SYNPO2: variants seen among roughly 807,000 people sequenced by gnomAD.
SYNPO2 encodes the protein synaptopodin 2, also known as synaptopodin-2.
SYNPO2 carries 56 observed loss-of-function variants against 85.0 expected under a neutral mutation model. That is an observed-to-expected ratio of 0.66 (90% CI 0.53 to 0.82). SYNPO2 has a LOEUF of 0.82. Among genes scored for constraint, SYNPO2 ranks in the 40% least tolerant of loss-of-function variants. SYNPO2 has a pLI of 0.00. For synonymous variants in SYNPO2, 602 were observed against 591.1 expected (o/e 1.02, Z -0.27); for missense variants, 1,575 against 1,534.2 (o/e 1.03, Z -0.44).
At chr4:118,854,485 A>G (rs1219562218) in intron 1 of SYNPO2, among the ~76,000 whole-genome samples, 1 of 152,240 alleles carries the variant, frequency 6.6e-6, no homozygotes, top group Non-Finnish European at 1.5e-5. Flanking sequence ...TTCTATATGA[A>G]TCAAGGAATC....
At chr4:118,897,295 C>G (rs558657979) in intron 1 of SYNPO2, among the ~76,000 whole-genome samples, 2 of 152,252 alleles carry the variant, frequency 1.3e-5, no homozygotes, top group African/African-American at 4.8e-5. Context: ...ATGATCCAAT[C>G]CCCTCCCACC....
intron 4 of SYNPO2, among the ~76,000 whole-genome samples, chr4:119,052,149 A>C (rs1392792403): frequency 6.6e-6 from 1 of 152,168 alleles, no homozygotes; most frequent in Non-Finnish European, 1.5e-5. Flanking sequence ...GGACAGGCTG[A>C]CAAACTGTTC....
intron 1 of SYNPO2, among the ~76,000 whole-genome samples, chr4:118,927,628 A>C (rs529301528): frequency 1.7e-4 from 26 of 152,252 alleles, no homozygotes; most frequent in African/African-American, 5.5e-4. Context: ...GAGAGTGTTG[A>C]ATATTTAATG....
intron 1 of SYNPO2, among the ~76,000 whole-genome samples, chr4:118,859,508 T>G (rs1457529747): frequency 1.3e-5 from 2 of 152,178 alleles, no homozygotes; most frequent in African/African-American, 4.8e-5. Flanking sequence ...TACCAGGTCT[T>G]ATTCATTATA....
intron 4 of SYNPO2, among the ~76,000 whole-genome samples, chr4:119,050,332 C>CAA (rs796535345): frequency 3.0e-5 from 4 of 134,506 alleles, no homozygotes; most frequent in South Asian, 2.4e-4. Context: ...GATTCTGTCT[C>CAA]AAAAAAAAAA....
At position 119,027,226 on chromosome 4, in the gene SYNPO2, T is replaced by A. The variant is rs143767970; in HGVS notation, c.857T>A (p.Val286Glu). 1.9e-6 allele frequency: 3 copies of A among 1,613,976 alleles called. No homozygotes were observed. The highest frequency in any genetic ancestry group is 2.7e-5 in the African/African-American group (2 of 74,890). Residue 286 changes from valine (V) to glutamate (E), a missense_variant, in exon 3 of 5, where the codon GTG becomes GAG. Physicochemically the swap from Val to Glu is moderately radical, Grantham distance 121. This residue lies in a region of SYNPO2 where 1,508 missense variants were observed against 1,446.8 expected (regional missense o/e 1.04). Coordinates refer to ENST00000307142, the MANE Select transcript of SYNPO2 (RefSeq NM_133477.3). Reference sequence around the variant, plus strand: ...GATGCGGGACTGCCCCGGGTGGAAGTGATCCTCGACTGCTCTGACAGGCAG... The same window carrying A: ...GATGCGGGACTGCCCCGGGTGGAAGAGATCCTCGACTGCTCTGACAGGCAG... Reference protein sequence around the residue: ...AGDAGLPRVEVILDCSDRQKT... With the variant: ...AGDAGLPRVEEILDCSDRQKT...
At chr4:118,962,748 G>C (rs530385500) in intron 1 of SYNPO2, among the ~76,000 whole-genome samples, 25 of 152,272 alleles carry the variant, frequency 1.6e-4, no homozygotes, top group African/African-American at 4.8e-4. Flanking sequence ...ATCCAGTCCT[G>C]CTTCCATGTT....
At chr4:118,953,857 C>T (rs1400767469) in intron 1 of SYNPO2, among the ~76,000 whole-genome samples, 4 of 152,214 alleles carry the variant, frequency 2.6e-5, no homozygotes, top group East Asian at 3.9e-4. Flanking sequence ...TTGATTCTCT[C>T]CAGTGAACTC....
chr4:119,036,384 G>T, intron 4 of SYNPO2: 2 of 985,322 alleles, frequency 2.0e-6, no homozygotes, highest in Non-Finnish European at 2.4e-6. Flanking sequence ...GCTGGTCTTG[G>T]GTCCACATAT....
chr4:118,897,699 C>T (rs941813773), intron 1 of SYNPO2, among the ~76,000 whole-genome samples: 10 of 152,176 alleles, frequency 6.6e-5, no homozygotes, highest in Admixed American at 1.3e-4. Flanking sequence ...TACAGGGGCA[C>T]AAAGAGGTTA....
At chr4:118,924,756 T>C (rs1733657720) in intron 1 of SYNPO2, among the ~76,000 whole-genome samples, 1 of 152,194 alleles carries the variant, frequency 6.6e-6, no homozygotes, top group South Asian at 2.1e-4. Flanking sequence ...ATTTGGAAAT[T>C]GGACAATCTA....
chr4:118,911,250 T>C (rs1269564880), intron 1 of SYNPO2, among the ~76,000 whole-genome samples: 1 of 152,204 alleles, frequency 6.6e-6, no homozygotes, highest in Non-Finnish European at 1.5e-5. Flanking sequence ...TGAGTTGAGA[T>C]ATCAAATCAT....
intron 1 of SYNPO2, among the ~76,000 whole-genome samples, chr4:118,907,111 G>A (rs1732964403): frequency 6.6e-6 from 1 of 151,986 alleles, no homozygotes; most frequent in East Asian, 1.9e-4. Context: ...ACTGAGCCTG[G>A]CCCTTTTGAA....
chr4:119,029,656 A>C (rs368094354), intron 3 of SYNPO2, among the ~76,000 whole-genome samples, 189 bp from the exon 4 acceptor site: 84 of 152,278 alleles, frequency 5.5e-4, no homozygotes, highest in African/African-American at 1.8e-3. Flanking sequence ...AGAACAGTAT[A>C]TTATTGTAGA....
At position 119,030,838 on chromosome 4, in the gene SYNPO2, A is replaced by C; in HGVS notation, c.2063A>C (p.Lys688Thr). 1.2e-6 allele frequency: 2 copies of C among 1,614,158 alleles called. No homozygotes were observed. The highest frequency in any genetic ancestry group is 2.2e-5 in the South Asian group (2 of 91,070). Residue 688 changes from lysine to threonine, a missense_variant, in exon 4 of 5, where the codon AAA becomes ACA. Physicochemically the swap from Lys to Thr is moderately conservative, Grantham distance 78. Around this residue, in one of 3 missense-constraint regions of SYNPO2, gnomAD observed 1,508 missense variants for 1,446.8 expected, o/e 1.04. Transcript: ENST00000307142. The stretch of plus-strand genomic sequence containing the variant: ...AGAACAGGAATATTGCAGGAGGCCA[A>C]AAGGAGAAGCACGACAAAACCCATG... The part of the protein sequence containing the change: ...AKRTGILQEA[K>T]RRSTTKPMFT...
rs145645160 is a variant in SYNPO2 at position 119,055,733 on chromosome 4, G to T, written c.3253-1668G>T. On this transcript the variant is annotated intron_variant, in intron 4 of 4. Transcript: ENST00000307142. ...TATAGAGTAAGGAGAATTATGAGTG[G>T]TTCTGAATTAAGACAAGATTAGTGA... 5.0e-3 allele frequency among the ~76,000 whole-genome samples: 754 copies of T among 152,262 alleles called. 5 individuals are homozygous for T. Among genetic ancestry groups the T allele is most frequent in the African/African-American group, 0.017 (704 of 41,552 alleles).
At chr4:118,977,052 T>C (rs930210777) in intron 1 of SYNPO2, among the ~76,000 whole-genome samples, 17 of 152,326 alleles carry the variant, frequency 1.1e-4, no homozygotes, top group Admixed American at 2.6e-4. Context: ...TGCGCTCGCA[T>C]TCCTCAGCCC....
chr4:119,009,314 T>G (rs1191270353), intron 1 of SYNPO2, among the ~76,000 whole-genome samples: 1 of 152,102 alleles, frequency 6.6e-6, no homozygotes, highest in Non-Finnish European at 1.5e-5. Flanking sequence ...ACCCAGAGAG[T>G]CTTGGCTTTG....
chr4:118,898,503 C>T (rs1732620155), intron 1 of SYNPO2, among the ~76,000 whole-genome samples: 1 of 152,150 alleles, frequency 6.6e-6, no homozygotes, highest in African/African-American at 2.4e-5. Flanking sequence ...ATAACCATAA[C>T]ATTGGTTTTA....
Sources: allele counts gnomAD v4.1 joint callset (sites outside exome capture counted in the v4.1 genomes callset), GRCh38; gene constraint gnomAD v4.1.1; regional missense constraint gnomAD v4.1.1; transcripts MANE v1.5; gene names NCBI Gene and HGNC (gene_info 2026-07-23, HGNC 2026-07-21).